Variants in BACH2 observed in about 807,000 individuals in gnomAD.
The protein encoded by BACH2 is BACH transcriptional regulator 2.
A neutral mutation model predicts 61.8 loss-of-function variants in BACH2; 5 were observed. That is an observed-to-expected ratio of 0.08 (90% CI 0.04 to 0.17). The LOEUF is 0.17. BACH2 is among the 10% of genes least tolerant of loss of function. The pLI, the probability that BACH2 is intolerant of heterozygous loss-of-function variation, is 1.00. For synonymous variants in BACH2, 446 were observed against 440.1 expected, an observed-to-expected ratio of 1.01 and a Z score of -0.17; for missense variants, 824 against 1,091.1, an observed-to-expected ratio of 0.76 and a Z score of 3.45.
intron 3 of BACH2, among the ~76,000 whole-genome samples, chr6:90,212,243 A>G (rs1450099698): frequency 6.6e-6 from 1 of 152,146 alleles, no homozygotes; most frequent in African/African-American, 2.4e-5. Flanking sequence ...CCTCCCTTCT[A>G]CCATAGGGGG....
At chr6:90,194,615 G>A (rs1053683870) in intron 4 of BACH2, among the ~76,000 whole-genome samples, 25 of 152,318 alleles carry the variant, frequency 1.6e-4, no homozygotes, top group Admixed American at 1.4e-3. Flanking sequence ...GAGAGAAACA[G>A]AAGTCTCAAA....
At position 90,062,772 on chromosome 6, in the gene BACH2, T is replaced by TTC. The variant is rs1554237326; in HGVS notation, c.-13+26188_-13+26189insGA. 1.5e-4 allele frequency: 37 copies of TTC among 241,714 alleles called. 1 individual carries two copies. Among genetic ancestry groups the TTC allele is most frequent in the African/African-American group, 8.6e-4 (37 of 42,926 alleles). The allele number at this position is 241,714 out of a possible 1,614,324, so 15.0% of individuals were successfully genotyped here. Reference sequence around the variant, plus strand: ...CTTCTCTCCAACTGTTTTTTTTTTTTCCCTAAAGTGTAGTGACCAGCAATT... The same window carrying TTC: ...CTTCTCTCCAACTGTTTTTTTTTTTTTCCCCTAAAGTGTAGTGACCAGCAATT... On this transcript the variant is annotated intron_variant, in intron 5 of 8. Transcript: ENST00000257749.
chr6:89,992,252 TA>T (rs1776617455), intron 6 of BACH2, among the ~76,000 whole-genome samples: 1 of 152,268 alleles, frequency 6.6e-6, no homozygotes, highest in Non-Finnish European at 1.5e-5. Context: ...AATTATGTAT[TA>T]TTTTCCCTTC....
intron 3 of BACH2, among the ~76,000 whole-genome samples, chr6:90,243,192 C>T (rs1056885642): frequency 5.3e-5 from 8 of 151,804 alleles, no homozygotes; most frequent in Admixed American, 2.0e-4. Flanking sequence ...ATGTGCCCGG[C>T]CCAAATTATC....
At chr6:90,243,240 G>T (rs1055859440) in intron 3 of BACH2, among the ~76,000 whole-genome samples, 4 of 151,156 alleles carry the variant, frequency 2.6e-5, no homozygotes, top group African/African-American at 9.7e-5. Flanking sequence ...TTAATAACTA[G>T]TCGCAAGGAT....
Position 89,986,909 on chromosome 6 carries a change from A to T in BACH2, c.243+21693T>A, listed in dbSNP as rs145679118. 5.4e-3 allele frequency among the ~76,000 whole-genome samples: 823 copies of T among 152,300 alleles called. 11 individuals carry two copies. Among genetic ancestry groups the T allele is most frequent in the African/African-American group, 0.018 (745 of 41,572 alleles). ...CTGACATCTTTAGGTCACTCTTTGA[A>T]TGATACGAAAAAATGAGGTCTGGAG... is the stretch of plus-strand genomic sequence containing the variant. On this transcript the variant is annotated intron_variant, in intron 6 of 8. Coordinates refer to ENST00000257749, the MANE Select transcript of BACH2 (RefSeq NM_021813.4).
intron 2 of BACH2, among the ~76,000 whole-genome samples, chr6:90,266,758 G>T (rs1582549313): frequency 6.6e-6 from 1 of 152,106 alleles, no homozygotes; most frequent in Non-Finnish European, 1.5e-5. Flanking sequence ...AGGGATAAGG[G>T]GAATGAGGAG....
At chr6:90,089,621 C>T (rs1343976683) in intron 4 of BACH2, among the ~76,000 whole-genome samples, 4 of 152,016 alleles carry the variant, frequency 2.6e-5, no homozygotes. Flanking sequence ...TAACTTAATA[C>T]ATGCTTATTG....
chr6:90,263,793 C>T (rs1212875482), intron 2 of BACH2, among the ~76,000 whole-genome samples: 1 of 152,120 alleles, frequency 6.6e-6, no homozygotes, highest in South Asian at 2.1e-4. Context: ...CACTAACTGC[C>T]CATTAGTAAA....
At chr6:90,194,675 T>A (rs944103016) in intron 4 of BACH2, among the ~76,000 whole-genome samples, 1 of 152,212 alleles carries the variant, frequency 6.6e-6, no homozygotes, top group African/African-American at 2.4e-5. Flanking sequence ...AACATCAGCA[T>A]TTTCTGCATC....
At chr6:90,252,076 T>C (rs1770829756) in intron 3 of BACH2, among the ~76,000 whole-genome samples, 1 of 152,222 alleles carries the variant, frequency 6.6e-6, no homozygotes, top group African/African-American at 2.4e-5. Context: ...TGAGCAGCAC[T>C]ATGTTGTAAC....
At chr6:90,286,081 G>C in intron 1 of BACH2, among the ~76,000 whole-genome samples, 1 of 152,304 alleles carries the variant, frequency 6.6e-6, no homozygotes, top group East Asian at 1.9e-4. Flanking sequence ...GTGTGGAACA[G>C]CTGCACTGAA....
chr6:89,941,390 C>T (rs1207793348), intron 7 of BACH2, among the ~76,000 whole-genome samples: 2 of 152,170 alleles, frequency 1.3e-5, no homozygotes, highest in East Asian at 3.9e-4. Context: ...TCAACTTCTA[C>T]CTGGTGAGCT....
chr6:90,075,284 T>C (rs1781422868), intron 5 of BACH2, among the ~76,000 whole-genome samples: 1 of 152,170 alleles, frequency 6.6e-6, no homozygotes, highest in Non-Finnish European at 1.5e-5. Context: ...AGGACTTCAG[T>C]GAATAAAGCA....
chr6:90,038,115 T>C (rs1009345247), intron 5 of BACH2, among the ~76,000 whole-genome samples: 1 of 152,236 alleles, frequency 6.6e-6, no homozygotes, highest in Non-Finnish European at 1.5e-5. Context: ...TACTTTGTTA[T>C]GGAAGCCTTA....
At chr6:90,083,005 G>C (rs557667381) in intron 5 of BACH2, among the ~76,000 whole-genome samples, 1 of 152,248 alleles carries the variant, frequency 6.6e-6, no homozygotes, top group East Asian at 1.9e-4. Context: ...ATACTGTTCT[G>C]GGGCAGAAGA....
At chr6:90,116,463 A>G (rs572262605) in intron 4 of BACH2, among the ~76,000 whole-genome samples, 1 of 152,274 alleles carries the variant, frequency 6.6e-6, no homozygotes, top group East Asian at 1.9e-4. Flanking sequence ...GAACACAAAG[A>G]AGGAAACAAT....
chr6:90,006,353 C>T (rs1027375623), intron 6 of BACH2, among the ~76,000 whole-genome samples: 4 of 152,196 alleles, frequency 2.6e-5, no homozygotes, highest in South Asian at 2.1e-4. Context: ...TCCCCAACAG[C>T]GCAGTTAAGG....
chr6:90,291,480 T>A (rs893397155), intron 1 of BACH2, among the ~76,000 whole-genome samples: 12 of 151,560 alleles, frequency 7.9e-5, no homozygotes, highest in African/African-American at 2.4e-4. Context: ...AGTTTCAGTT[T>A]TAGATAGACT....
Sources: allele counts gnomAD v4.1 joint callset (sites outside exome capture counted in the v4.1 genomes callset), GRCh38; gene constraint gnomAD v4.1.1; transcripts MANE v1.5; gene names NCBI Gene and HGNC (gene_info 2026-07-23, HGNC 2026-07-21).